Variants in RBFOX1 observed in about 807,000 individuals in gnomAD.
The protein encoded by RBFOX1 is RNA binding fox-1 homolog 1.
A neutral mutation model predicts 57.7 loss-of-function variants in RBFOX1; 8 were observed. That is an observed-to-expected ratio of 0.14 (90% CI 0.08 to 0.25). The LOEUF (loss-of-function observed/expected upper bound fraction) is 0.25. RBFOX1 is among the 10% of genes least tolerant of loss of function. RBFOX1 has a pLI of 1.00. For synonymous variants in RBFOX1, 326 were observed against 222.4 expected, an observed-to-expected ratio of 1.47 and a Z score of -4.15; for missense variants, 611 against 548.5, an observed-to-expected ratio of 1.11 and a Z score of -1.14.
intron 4 of RBFOX1, among the ~76,000 whole-genome samples, chr16:5,891,323 C>T (rs1037023329): frequency 4.6e-5 from 7 of 152,186 alleles, no homozygotes; most frequent in African/African-American, 9.7e-5. Context: ...TCGCAGCACA[C>T]GTCCAGGTAG....
At chr16:7,663,504 C>CGTGT (rs57358282) in intron 12 of RBFOX1, among the ~76,000 whole-genome samples, 25,049 of 148,858 alleles carry the variant, frequency 0.17, 2,252 homozygotes, top group South Asian at 0.3. Flanking sequence ...GTCAGTACAG[C>CGTGT]GTGTGTGTGT....
chr16:7,355,687 A>G (rs1655687329), intron 4 of RBFOX1, among the ~76,000 whole-genome samples: 2 of 152,204 alleles, frequency 1.3e-5, no homozygotes, highest in African/African-American at 4.8e-5. Flanking sequence ...CAGTAATACC[A>G]TGATTTATTT....
chr16:5,868,468 A>G (rs538668291), intron 4 of RBFOX1, among the ~76,000 whole-genome samples: 2 of 152,338 alleles, frequency 1.3e-5, no homozygotes, highest in Admixed American at 1.3e-4. Context: ...TCCATCACAC[A>G]GTCGTTAGTA....
chr16:5,331,381 C>T (rs1416391714), intron 1 of RBFOX1, among the ~76,000 whole-genome samples: 1 of 152,204 alleles, frequency 6.6e-6, no homozygotes, highest in African/African-American at 2.4e-5. Flanking sequence ...TGTGTATCAG[C>T]TGAAAATGGG....
chr16:6,471,624 G>A (rs2095176405), intron 2 of RBFOX1, among the ~76,000 whole-genome samples: 2 of 150,252 alleles, frequency 1.3e-5, no homozygotes, highest in Non-Finnish European at 3.0e-5. Context: ...TTGTATTTCT[G>A]TTAGCTCTCA....
chr16:5,619,529 A>G lies in RBFOX1; in HGVS notation c.318+20568A>G, dbSNP rs1220965989. Among the ~76,000 whole-genome samples, 8 of 152,144 alleles carry G rather than the reference A, an allele frequency of 5.3e-5. No homozygotes were observed. The East Asian group carries it at 1.5e-3, about 29-fold the overall frequency. On this transcript the variant is annotated intron_variant, in intron 3 of 19. Coordinates refer to the RBFOX1 transcript ENST00000641259. ...AGCGATCTTATCCTGTTAGCCTTTC[A>G]CTCGAGAGAAATTGGATTGAAAATC...
intron 7 of RBFOX1, among the ~76,000 whole-genome samples, chr16:7,587,990 G>A (rs1349728263): frequency 1.3e-5 from 2 of 152,062 alleles, no homozygotes; most frequent in Non-Finnish European, 2.9e-5. Flanking sequence ...AGCAACCTGG[G>A]CAACATGGTG....
intron 1 of RBFOX1, among the ~76,000 whole-genome samples, chr16:5,320,090 T>C (rs903782176): frequency 2.0e-5 from 3 of 152,202 alleles, no homozygotes; most frequent in African/African-American, 7.2e-5. Flanking sequence ...GGCTGTGTTC[T>C]CTTTTTGCCA....
chr16:6,854,587 A>ATTTTTTTTT lies in RBFOX1; in HGVS notation c.-15-197453_-15-197445dup, dbSNP rs71147611. ...CCTCCCTGCCAACTAGGAGAGGTGAATTTTTTTTTTTTTTTTTTTTTTTTT... is the reference window on the plus strand; with the variant it reads ...CCTCCCTGCCAACTAGGAGAGGTGAATTTTTTTTTTTTTTTTTTTTTTTTTTTTTTTTTT... On this transcript the variant is annotated intron_variant, in intron 3 of 15. Transcript: ENST00000550418. Among the ~76,000 whole-genome samples the ATTTTTTTTT allele has an allele frequency of 3.1e-3, 222 of 70,628 alleles. 21 individuals are homozygous for ATTTTTTTTT. Among genetic ancestry groups the ATTTTTTTTT allele is most frequent in the Admixed American group, 0.016 (79 of 5,078 alleles). 46.3% of individuals were successfully genotyped at this position (70,628 alleles called of 152,430 possible). A position where few individuals can be genotyped will look rare whatever the true frequency, so the allele number is the denominator to read the frequency against.
chr16:6,255,645 C>T (rs556130737), intron 1 of RBFOX1, among the ~76,000 whole-genome samples: 9 of 151,908 alleles, frequency 5.9e-5, no homozygotes, highest in Non-Finnish European at 1.0e-4. Context: ...CTGTGGTCAA[C>T]CTGGAAGTAT....
chr16:7,457,698 G>C (rs2058791736), intron 4 of RBFOX1, among the ~76,000 whole-genome samples: 1 of 152,014 alleles, frequency 6.6e-6, no homozygotes, highest in South Asian at 2.1e-4. Context: ...CATATTTTCA[G>C]CCTAAGAGGG....
At chr16:6,479,929 T>C (rs2095345467) in intron 2 of RBFOX1, among the ~76,000 whole-genome samples, 2 of 151,620 alleles carry the variant, frequency 1.3e-5, no homozygotes, top group African/African-American at 4.8e-5. Flanking sequence ...CGGGTACCTA[T>C]GATCTCAGCT....
intron 4 of RBFOX1, among the ~76,000 whole-genome samples, chr16:5,997,753 G>T (rs1310352269): frequency 6.6e-6 from 1 of 152,194 alleles, no homozygotes; most frequent in Non-Finnish European, 1.5e-5. Context: ...AAAAGTTTCT[G>T]TTAAATCTCA....
intron 4 of RBFOX1, among the ~76,000 whole-genome samples, chr16:7,258,053 C>T (rs2094768062): frequency 6.6e-6 from 1 of 152,288 alleles, no homozygotes; most frequent in African/African-American, 2.4e-5. Context: ...AGGCATTGAT[C>T]ACTGTGCTGA....
chr16:7,676,543 C>G (rs1372414263), intron 13 of RBFOX1, among the ~76,000 whole-genome samples: 2 of 152,176 alleles, frequency 1.3e-5, no homozygotes, highest in African/African-American at 4.8e-5. Context: ...CTAGGCTCTT[C>G]TTTTGGGATG....
intron 3 of RBFOX1, among the ~76,000 whole-genome samples, chr16:6,795,533 C>T (rs939454985): frequency 2.6e-5 from 4 of 152,048 alleles, no homozygotes; most frequent in African/African-American, 4.8e-5. Context: ...TTTGGGAGGC[C>T]GAGGTGGGTG....
intron 3 of RBFOX1, among the ~76,000 whole-genome samples, chr16:6,940,851 CTGTGTGTGTGTG>C (rs1009221597): frequency 7.9e-6 from 1 of 126,894 alleles, no homozygotes; most frequent in Non-Finnish European, 1.7e-5. Context: ...TCCGGCTAGT[CTGTGTGTGTGTG>C]TGTGTGTGTG....
intron 4 of RBFOX1, among the ~76,000 whole-genome samples, chr16:7,054,121 C>G (rs886978670): frequency 6.8e-5 from 10 of 147,164 alleles, no homozygotes; most frequent in African/African-American, 2.5e-4. Flanking sequence ...TCTTCCTTTC[C>G]TCCCTCCCTC....
chr16:7,336,855 T>G, intron 4 of RBFOX1, among the ~76,000 whole-genome samples: 1 of 152,228 alleles, frequency 6.6e-6, no homozygotes, highest in East Asian at 1.9e-4. Flanking sequence ...GAACAGAAAC[T>G]TGACCTGAAA....
Sources: gnomAD v4.1 joint callset for allele counts (sites outside exome capture counted in the v4.1 genomes callset) on GRCh38, gnomAD v4.1.1 for gene constraint, MANE v1.5 for transcripts, NCBI Gene and HGNC (gene_info 2026-07-23, HGNC 2026-07-21) for gene names.